Variants in FAM135B observed in about 807,000 individuals in gnomAD.
FAM135B encodes the protein protein FAM135B.
A neutral mutation model predicts 127.7 loss-of-function variants in FAM135B; 43 were observed. That is an observed-to-expected ratio of 0.34 (90% CI 0.26 to 0.43). The LOEUF (loss-of-function observed/expected upper bound fraction) is 0.43, where lower values mean the gene tolerates loss of function less well. FAM135B is among the 20% of genes least tolerant of loss of function. The pLI, the probability that FAM135B is intolerant of heterozygous loss-of-function variation, is 1.00. For missense variants in FAM135B, 1,558 were observed against 1,725.6 expected (o/e 0.90, Z 1.72); for synonymous variants, 670 against 665.1 (o/e 1.01, Z -0.11).
chr8:138,444,692 G>A (rs1836005695), intron 1 of FAM135B, among the ~76,000 whole-genome samples: 1 of 152,058 alleles, frequency 6.6e-6, no homozygotes, highest in African/African-American at 2.4e-5. Flanking sequence ...GCCCACAAGA[G>A]AAAGCAGGAA....
chr8:138,384,242 A>G (rs1235267849), intron 1 of FAM135B, among the ~76,000 whole-genome samples: 1 of 152,180 alleles, frequency 6.6e-6, no homozygotes, highest in Non-Finnish European at 1.5e-5. Flanking sequence ...GCCTACCCAA[A>G]GTGACTGAAC....
At chr8:138,212,638 T>G (rs1050240457) in intron 7 of FAM135B, among the ~76,000 whole-genome samples, 3 of 152,210 alleles carry the variant, frequency 2.0e-5, no homozygotes, top group African/African-American at 7.2e-5. Context: ...GGAGAATACT[T>G]AACAATCCAC....
chr8:138,276,882 G>A (rs1387126552), intron 3 of FAM135B, among the ~76,000 whole-genome samples: 4 of 152,212 alleles, frequency 2.6e-5, no homozygotes, highest in Non-Finnish European at 5.9e-5. Flanking sequence ...AAATCCTCTA[G>A]CTATGAATGA....
At chr8:138,350,466 T>C (rs753543864) in intron 2 of FAM135B, among the ~76,000 whole-genome samples, 1 of 151,722 alleles carries the variant, frequency 6.6e-6, no homozygotes, top group Non-Finnish European at 1.5e-5. Flanking sequence ...ACTGGGACAC[T>C]AGAATCAGGA....
At position 138,367,926 on chromosome 8, in the gene FAM135B, C is replaced by T. The variant is rs2131216780; in HGVS notation, c.58G>A (p.Val20Met). ...ACTTACCCTCTCTGAAAGAGATCCA[C>T]ATTATAAAATTTATGTAGCTCTACC... ...FSVELHKFYN[V>M]DLFQRGYYQI... is the part of the protein sequence containing the mutation. Residue 20 changes from valine (V) to methionine (M), a missense_variant, in exon 2 of 20, where the codon GTG becomes ATG. Val to Met is a conservative substitution (Grantham distance 21). This residue lies in a region of FAM135B where 199 missense variants were observed against 245.7 expected (regional missense o/e 0.81). Coordinates refer to ENST00000395297, the MANE Select transcript of FAM135B (RefSeq NM_015912.4). The T allele has an allele frequency of 6.2e-7, 1 of 1,613,002 alleles. No homozygotes were observed. The highest frequency in any genetic ancestry group is 8.5e-7 in the Non-Finnish European group (1 of 1,179,302).
At position 138,141,413 on chromosome 8, in the gene FAM135B, T is replaced by G. The variant is rs1348992338; in HGVS notation, c.3639-64A>C. 6.5e-7 allele frequency: 1 copy of G among 1,541,544 alleles called. No individual in the cohort carries two copies. Among genetic ancestry groups the G allele is most frequent in the Non-Finnish European group, 8.9e-7 (1 of 1,119,142 alleles). On this transcript the variant is annotated intron_variant, in intron 16 of 19. Coordinates refer to ENST00000395297, the MANE Select transcript of FAM135B (RefSeq NM_015912.4). This position sits in a 1 kb window ranked among gnomAD's most constrained non-coding sequence, Gnocchi z 4.7. Reference sequence around the variant, plus strand: ...TGAATGCTGCTGCCCAAGAGTGCAGTGCTGGAAGCATCAGGGGCCATTGTT... The same window carrying G: ...TGAATGCTGCTGCCCAAGAGTGCAGGGCTGGAAGCATCAGGGGCCATTGTT...
chr8:138,267,817 C>G (rs889577920), intron 3 of FAM135B, among the ~76,000 whole-genome samples: 2 of 152,200 alleles, frequency 1.3e-5, no homozygotes, highest in African/African-American at 4.8e-5. Flanking sequence ...GTCATGAAGG[C>G]AATAAAATTA....
At chr8:138,256,235 C>A (rs1261282166) in intron 5 of FAM135B, among the ~76,000 whole-genome samples, 2 of 152,124 alleles carry the variant, frequency 1.3e-5, no homozygotes, top group Non-Finnish European at 2.9e-5. Context: ...ATTTAATGAG[C>A]AGGTTATAGA....
chr8:138,254,484 G>A (rs912307324), intron 5 of FAM135B, among the ~76,000 whole-genome samples: 1 of 152,196 alleles, frequency 6.6e-6, no homozygotes, highest in African/African-American at 2.4e-5. Flanking sequence ...ATAGGGCGGG[G>A]TGGGTTAATG....
chr8:138,385,803 T>C (rs112655885), intron 1 of FAM135B, among the ~76,000 whole-genome samples: 21 of 150,978 alleles, frequency 1.4e-4, no homozygotes, highest in Non-Finnish European at 2.9e-4. Flanking sequence ...CAGAGCGAGC[T>C]CAAAAAAACA....
chr8:138,388,867 C>T (rs1256323422), intron 1 of FAM135B, among the ~76,000 whole-genome samples: 1 of 152,176 alleles, frequency 6.6e-6, no homozygotes, highest in Non-Finnish European at 1.5e-5. Context: ...GAGTATTCAA[C>T]ACCACGAGTG....
At chr8:138,394,645 A>G (rs1465657311) in intron 1 of FAM135B, among the ~76,000 whole-genome samples, 1 of 152,138 alleles carries the variant, frequency 6.6e-6, no homozygotes, top group Non-Finnish European at 1.5e-5. Context: ...TGAATGTCAT[A>G]TATGTGTGGA....
chr8:138,284,286 C>T (rs1454919367), intron 3 of FAM135B, among the ~76,000 whole-genome samples: 2 of 152,072 alleles, frequency 1.3e-5, no homozygotes, highest in Non-Finnish European at 2.9e-5. Flanking sequence ...CCACCACAAC[C>T]TTGTCCGTGC....
intron 1 of FAM135B, among the ~76,000 whole-genome samples, chr8:138,445,640 G>C (rs1324255237): frequency 6.6e-6 from 1 of 152,148 alleles, no homozygotes. Context: ...ATTAGGTATT[G>C]ATGGGACGTA....
chr8:138,242,909 A>G lies in FAM135B; in HGVS notation c.669+33T>C, dbSNP rs371196927. The G allele has an allele frequency of 6.3e-7, 1 of 1,591,558 alleles. No individual in the cohort carries two copies. Among genetic ancestry groups the G allele is most frequent in the Admixed American group, 1.8e-5 (1 of 54,408 alleles). On this transcript the variant is annotated intron_variant, in intron 7 of 19. Coordinates refer to ENST00000395297, the MANE Select transcript of FAM135B (RefSeq NM_015912.4). The surrounding 1 kb of genome is among the most constrained non-coding windows in gnomAD (Gnocchi z 9.6). The stretch of plus-strand genomic sequence containing the variant: ...TACACTCTGCAAAGTAAAGTTTGAA[A>G]GTTTTGAAGCAACTGCCCCACACAG...
chr8:138,272,514 G>A (rs2130685378), intron 3 of FAM135B, among the ~76,000 whole-genome samples: 1 of 152,300 alleles, frequency 6.6e-6, no homozygotes, highest in Admixed American at 6.5e-5. Flanking sequence ...TTAACCTACT[G>A]AAAATGAGAA....
chr8:138,479,903 T>C (rs961661321), intron 1 of FAM135B, among the ~76,000 whole-genome samples: 4 of 152,200 alleles, frequency 2.6e-5, no homozygotes, highest in Non-Finnish European at 4.4e-5. Context: ...GTGCACCTAA[T>C]TTTCCCACAA....
chr8:138,382,557 T>TTTTGTGTGGTGCCTG (rs1280691857), intron 1 of FAM135B, among the ~76,000 whole-genome samples: 11 of 152,266 alleles, frequency 7.2e-5, no homozygotes, highest in Non-Finnish European at 1.0e-4. Context: ...CTAGTCCTGT[T>TTTTGTGTGGTGCCTG]CTTTATTAAT....
chr8:138,227,632 A>C (rs192636320), intron 7 of FAM135B, among the ~76,000 whole-genome samples: 93 of 152,058 alleles, frequency 6.1e-4, no homozygotes, highest in African/African-American at 2.2e-3. Flanking sequence ...TCATGACACC[A>C]TCACCCCAAT....
Sources: gnomAD v4.1 joint callset for allele counts (sites outside exome capture counted in the v4.1 genomes callset) on GRCh38, gnomAD v4.1.1 for gene constraint, gnomAD v4.1.1 regional missense constraint, Gnocchi (gnomAD v3.1) non-coding constraint, MANE v1.5 for transcripts, NCBI Gene and HGNC (gene_info 2026-07-23, HGNC 2026-07-21) for gene names.